Variants in EFHC1 observed in about 807,000 individuals in gnomAD.
EFHC1 encodes the protein EF-hand domain-containing protein 1.
In EFHC1, 53 loss-of-function variants were observed where a neutral mutation model predicts 69.9. The observed-to-expected ratio is 0.76, with a 90% CI of 0.61 to 0.95. The LOEUF (loss-of-function observed/expected upper bound fraction) is 0.95, where lower values mean the gene tolerates loss of function less well. Ranked by LOEUF, EFHC1 falls within the 40% of genes least tolerant of loss-of-function variation. EFHC1 has a pLI of 0.00. For missense variants in EFHC1, 739 were observed against 798.7 expected (o/e 0.93, Z 0.90); for synonymous variants, 256 against 278.4 (o/e 0.92, Z 0.80).
At position 52,438,551 on chromosome 6, in the gene EFHC1, G is replaced by A; in HGVS notation, c.533G>A (p.Gly178Asp). The A allele has an allele frequency of 6.2e-7, 1 of 1,613,958 alleles. No individual in the cohort carries two copies. The highest frequency in any genetic ancestry group is 8.5e-7 in the Non-Finnish European group (1 of 1,179,920). Residue 178 changes from glycine (G) to aspartate (D), a missense_variant, in exon 3 of 11, where the codon GGC (glycine) becomes GAC (aspartate). By Grantham distance (94) the Gly-to-Asp change is moderately conservative. Transcript: ENST00000371068. ...LNRGINITIYGKTFRVVDCDQ... is the reference protein window; with the variant it reads ...LNRGINITIYDKTFRVVDCDQ... ...CGAGGAATAAACATCACAATTTATG[G>A]CAAAACTTTCCGCGTTGTTGACTGT...
chr6:52,462,606 C>G (rs1029203088), intron 5 of EFHC1, among the ~76,000 whole-genome samples: 2 of 152,090 alleles, frequency 1.3e-5, no homozygotes, highest in South Asian at 4.1e-4. Context: ...AAAGAAGTGG[C>G]TGGGCATGGT....
rs3789772 is a variant in EFHC1, at chr6:52,495,485, T to C, written c.*3144T>C. ...CGGCAGCAAATCTGCAACATATGGA[T>C]ATATTTGCCAATTTTTGTCCTCAGC... is the stretch of plus-strand genomic sequence containing the variant. On this transcript the variant is annotated 3_prime_UTR_variant, in exon 11 of 11. Transcript: ENST00000371068. 4 of 454,006 alleles carry C rather than the reference T, an allele frequency of 8.8e-6. No individual in the cohort carries two copies. In the East Asian group the frequency reaches 2.1e-4, roughly 24 times the overall value. 28.1% of individuals were successfully genotyped at this position (454,006 alleles called of 1,614,324 possible).
intron 6 of EFHC1, among the ~76,000 whole-genome samples, chr6:52,465,460 T>TATTTTATTTTGAAAAAAATAAAATAGAC (rs1268165585): frequency 8.5e-5 from 13 of 152,292 alleles, no homozygotes; most frequent in Non-Finnish European, 1.3e-4. Context: ...ATTTGTTGTC[T>TATTTTATTTTGAAAAAAATAAAATAGAC]ATTTTATTTT....
Position 52,495,526 on chromosome 6 carries a change from A to G in EFHC1, c.*3185A>G. On this transcript the variant is annotated 3_prime_UTR_variant, in exon 11 of 11. Transcript: ENST00000371068. ...TGTCCTCAGCTTTGGGTCTCAGCCA[A>G]AATGGAGATTTAGGAAAGTCTCATT... The G allele has an allele frequency of 6.6e-6, 3 of 454,116 alleles. No individual in the cohort carries two copies. 28.1% of individuals were successfully genotyped at this position (454,116 alleles called of 1,614,324 possible).
At chr6:52,479,610 A>C (rs1765626921) in intron 8 of EFHC1, 30 bp from the exon 9 acceptor site, 1 of 1,614,180 alleles carries the variant, frequency 6.2e-7, no homozygotes, top group African/African-American at 1.3e-5. Context: ...GAACATCACC[A>C]AGCTAAGTGT....
At chr6:52,487,568 A>G (rs1035644783) in intron 9 of EFHC1, 1 of 151,774 alleles carries the variant, frequency 6.6e-6, no homozygotes, top group Non-Finnish European at 1.5e-5. Context: ...TGTCATTTTC[A>G]TCTTTCTAGC....
At chr6:52,478,878 C>A (rs898448498) in intron 7 of EFHC1, among the ~76,000 whole-genome samples, 159 bp from the exon 8 acceptor site, 5 of 152,182 alleles carry the variant, frequency 3.3e-5, no homozygotes, top group Non-Finnish European at 7.4e-5. Context: ...GCATGTTCTT[C>A]CCAGAGACAC....
Position 52,469,500 on chromosome 6 carries a change from A to G in EFHC1, c.1278+27A>G, listed in dbSNP as rs768968811. The G allele has an allele frequency of 8.1e-6, 13 of 1,612,192 alleles. No homozygotes were observed. The Admixed American group carries it at 1.5e-4, about 19-fold the overall frequency. On this transcript the variant is annotated intron_variant, in intron 7 of 10. Coordinates refer to ENST00000371068, the MANE Select transcript of EFHC1 (RefSeq NM_018100.4). The stretch of plus-strand genomic sequence containing the variant: ...TGAGGCTAATTTTTATATACTAAAG[A>G]TTCTCTTCTATCTCAGTACTGTGTA...
Position 52,490,064 on chromosome 6 carries a change from T to G in EFHC1, c.1641-76T>G. 2.9e-6 allele frequency: 4 copies of G among 1,357,098 alleles called. No homozygotes were observed. The South Asian group carries it at 4.9e-5, about 17-fold the overall frequency. The allele number at this position is 1,357,098 out of a possible 1,614,324, so 84.1% of individuals were successfully genotyped here. On this transcript the variant is annotated intron_variant, in intron 9 of 10. Coordinates refer to ENST00000371068, the MANE Select transcript of EFHC1 (RefSeq NM_018100.4). Reference sequence around the variant, plus strand: ...TAGAAGCTTCCCTGATTTCATCAAGTAAGAACTTTGGTCACCGAGATGAGA... The same window carrying G: ...TAGAAGCTTCCCTGATTTCATCAAGGAAGAACTTTGGTCACCGAGATGAGA...
intron 2 of EFHC1, among the ~76,000 whole-genome samples, chr6:52,427,365 A>T (rs1009555503): frequency 6.6e-6 from 1 of 151,958 alleles, no homozygotes; most frequent in Non-Finnish European, 1.5e-5. Flanking sequence ...ATTTATTTTT[A>T]CTGATTTCCT....
At chr6:52,464,344 C>A (rs1470487218) in intron 5 of EFHC1, among the ~76,000 whole-genome samples, 1 of 152,184 alleles carries the variant, frequency 6.6e-6, no homozygotes, top group Non-Finnish European at 1.5e-5. Context: ...TGATTACAAC[C>A]TGAAATGAAA....
rs1268493269 is a variant in EFHC1, at chr6:52,453,551, A to G, written c.724-544A>G. The G allele has an allele frequency of 1.6e-5, 20 of 1,285,182 alleles. No individual in the cohort carries two copies. The Admixed American group carries it at 3.9e-4, about 25-fold the overall frequency. The allele number at this position is 1,285,182 out of a possible 1,614,324, so 79.6% of individuals were successfully genotyped here. On this transcript the variant is annotated intron_variant, in intron 4 of 10. Transcript: ENST00000371068. ...ATGGTCTTTTAAGGATTTTGTTCAT[A>G]TCAGTCATATATCTGTTATTATTTT... is the stretch of plus-strand genomic sequence containing the variant.
intron 9 of EFHC1, among the ~76,000 whole-genome samples, chr6:52,480,508 C>T (rs1233499932): frequency 6.6e-6 from 1 of 152,152 alleles, no homozygotes; most frequent in East Asian, 1.9e-4. Flanking sequence ...GTTGACCTTC[C>T]AAGCAGCAGG....
chr6:52,432,317 T>G (rs1295443016), intron 2 of EFHC1, among the ~76,000 whole-genome samples: 1 of 152,200 alleles, frequency 6.6e-6, no homozygotes, highest in Non-Finnish European at 1.5e-5. Flanking sequence ...AGATTTATGC[T>G]TTAAAGAGGT....
At chr6:52,451,324 G>A (rs893195570) in intron 3 of EFHC1, among the ~76,000 whole-genome samples, 1 of 152,124 alleles carries the variant, frequency 6.6e-6, no homozygotes, top group Non-Finnish European at 1.5e-5. Context: ...TGTAAGGCAG[G>A]TCTGGTGGTA....
chr6:52,484,273 T>C (rs941489612), intron 9 of EFHC1: 3 of 152,228 alleles, frequency 2.0e-5, no homozygotes, highest in African/African-American at 7.2e-5. Context: ...TTAAAAATTA[T>C]TGAGGGCCCC....
chr6:52,431,408 G>A (rs999494183), intron 2 of EFHC1, among the ~76,000 whole-genome samples: 7 of 152,002 alleles, frequency 4.6e-5, no homozygotes, highest in Non-Finnish European at 7.4e-5. Flanking sequence ...TGTCATTATT[G>A]TCATTCAGTT....
In EFHC1 at chr6:52,493,386, T is replaced by TATA. The variant is rs60720755; in HGVS notation, c.*1045_*1046insATA. 91 of 121,172 alleles carry TATA rather than the reference T, an allele frequency of 7.5e-4. 3 individuals are homozygous for TATA. The highest frequency in any genetic ancestry group is 2.3e-3 in the South Asian group (25 of 11,046). 7.5% of individuals were successfully genotyped at this position (121,172 alleles called of 1,614,324 possible). On this transcript the variant is annotated 3_prime_UTR_variant, in exon 11 of 11. Coordinates refer to ENST00000371068, the MANE Select transcript of EFHC1 (RefSeq NM_018100.4). ...TCTACATATATATATATATATATAT[T>TATA]TTATATGTACACATTCATACACACA...
intron 1 of EFHC1, chr6:52,423,668 T>TTTTG: frequency 4.4e-6 from 2 of 451,174 alleles, no homozygotes; most frequent in Non-Finnish European, 7.7e-6. Flanking sequence ...TTTTTTTTTT[T>TTTTG]TTTTTTTTTT....
Sources: allele counts gnomAD v4.1 joint callset (sites outside exome capture counted in the v4.1 genomes callset), GRCh38; gene constraint gnomAD v4.1.1; transcripts MANE v1.5; gene names NCBI Gene and HGNC (gene_info 2026-07-23, HGNC 2026-07-21).